Variants in OTUD7B observed in about 807,000 individuals in gnomAD.
OTUD7B encodes OTU deubiquitinase 7B, also known as OTU domain-containing protein 7B.
A neutral mutation model predicts 82.2 loss-of-function variants in OTUD7B; 34 were observed. That is an observed-to-expected ratio of 0.41 (90% confidence interval 0.31 to 0.55). The LOEUF (loss-of-function observed/expected upper bound fraction) is 0.55, where lower values mean the gene tolerates loss of function less well. OTUD7B is among the 20% of genes least tolerant of loss of function. The pLI, the probability that OTUD7B is intolerant of heterozygous loss-of-function variation, is 0.20. For missense variants in OTUD7B, 944 were observed against 1,062.1 expected (o/e 0.89, Z 1.55); for synonymous variants, 398 against 402.7 (o/e 0.99, Z 0.14).
intron 1 of OTUD7B, among the ~76,000 whole-genome samples, chr1:150,004,288 G>A (rs150793961): frequency 0.011 from 1,695 of 152,156 alleles, 39 homozygotes; most frequent in African/African-American, 0.039. Flanking sequence ...GACCGGGCAC[G>A]GTGGCTCATG....
At chr1:150,032,647 A>C in the OTUD7B span, among the ~76,000 whole-genome samples, 1 of 50 alleles carries the variant, frequency 0.02, no homozygotes, top group African/African-American at 0.083. Context: ...GAAGAAAAGA[A>C]GAAAAGAAGA....
At chr1:149,991,661 C>T (rs1304342749) in intron 1 of OTUD7B, among the ~76,000 whole-genome samples, 1 of 152,136 alleles carries the variant, frequency 6.6e-6, no homozygotes, top group Non-Finnish European at 1.5e-5. Flanking sequence ...GATTAAGTGA[C>T]TTGTCCAAAT....
chr1:149,985,611 G>A (rs1553780607), intron 1 of OTUD7B, among the ~76,000 whole-genome samples: 1 of 152,000 alleles, frequency 6.6e-6, no homozygotes, highest in Non-Finnish European at 1.5e-5. Context: ...AGTCGGGTGT[G>A]GAGGTGCACT....
chr1:149,942,560 A>C lies in OTUD7B; in HGVS notation c.*1297T>G, dbSNP rs1647330702. 1 of 152,536 alleles carries C rather than the reference A, an allele frequency of 6.6e-6. No homozygotes were observed. Among genetic ancestry groups the C allele is most frequent in the Admixed American group, 6.5e-5 (1 of 15,286 alleles). The allele number at this position is 152,536 out of a possible 1,614,324, so 9.4% of individuals were successfully genotyped here. A position where few individuals can be genotyped will look rare whatever the true frequency, so the allele number is the denominator to read the frequency against. ...GGAGTCATCTGTGCTCTGTGGTTAT[A>C]GTTCACTAAAATATATTTCTCTAAC... is the stretch of plus-strand genomic sequence containing the variant. On this transcript the variant is annotated 3_prime_UTR_variant, in exon 12 of 12. Coordinates refer to ENST00000581312, the MANE Select transcript of OTUD7B (RefSeq NM_020205.4).
chr1:149,957,588 C>T (rs940754995), intron 7 of OTUD7B, among the ~76,000 whole-genome samples: 4 of 152,226 alleles, frequency 2.6e-5, no homozygotes, highest in African/African-American at 9.6e-5. Context: ...TTTAAGTCTG[C>T]AGAAGTTCCT....
At chr1:149,975,301 A>C (rs1356775078) in intron 2 of OTUD7B, among the ~76,000 whole-genome samples, 7 of 152,168 alleles carry the variant, frequency 4.6e-5, no homozygotes, top group African/African-American at 1.7e-4. Context: ...TCACAGCATG[A>C]GTGTATGTGT....
At chr1:150,007,081 T>A (rs1213926403) in intron 1 of OTUD7B, among the ~76,000 whole-genome samples, 1 of 152,206 alleles carries the variant, frequency 6.6e-6, no homozygotes, top group Non-Finnish European at 1.5e-5. Flanking sequence ...CCAACCCACA[T>A]TCTCTACAGT....
At chr1:149,973,071 C>T (rs1650040303) in intron 2 of OTUD7B, among the ~76,000 whole-genome samples, 2 of 152,170 alleles carry the variant, frequency 1.3e-5, no homozygotes, top group African/African-American at 4.8e-5. Flanking sequence ...TCTCTCAAAT[C>T]CATTTCTTAT....
At chr1:150,034,049 A>G in the OTUD7B span, among the ~76,000 whole-genome samples, 1 of 152,166 alleles carries the variant, frequency 6.6e-6, no homozygotes, top group Non-Finnish European at 1.5e-5. Context: ...ATTATAATGG[A>G]CAACACTGAG....
chr1:150,013,147 C>G (rs1290786834), upstream of OTUD7B, among the ~76,000 whole-genome samples: 7 of 152,232 alleles, frequency 4.6e-5, no homozygotes, highest in African/African-American at 9.6e-5. Context: ...AAGCACCAGA[C>G]AAAATCCTAC....
At position 149,942,545 on chromosome 1, in the gene OTUD7B, G is replaced by A. The variant is rs1553770688; in HGVS notation, c.*1312C>T. On this transcript the variant is annotated 3_prime_UTR_variant, in exon 12 of 12. Coordinates refer to ENST00000581312, the MANE Select transcript of OTUD7B (RefSeq NM_020205.4). ...CAGATCAGCTCATTGGGAGTCATCT[G>A]TGCTCTGTGGTTATAGTTCACTAAA... 1 of 152,474 alleles carries A rather than the reference G, an allele frequency of 6.6e-6. No homozygotes were observed. The highest frequency in any genetic ancestry group is 1.5e-5 in the Non-Finnish European group (1 of 68,038). The allele number at this position is 152,474 out of a possible 1,614,324, so 9.4% of individuals were successfully genotyped here. A position where few individuals can be genotyped will look rare whatever the true frequency, so the allele number is the denominator to read the frequency against.
the OTUD7B span, among the ~76,000 whole-genome samples, chr1:150,064,484 G>T: frequency 6.6e-6 from 1 of 151,728 alleles, no homozygotes; most frequent in Non-Finnish European, 1.5e-5. Flanking sequence ...CAATCCTACC[G>T]CACGCTTCTC....
chr1:150,025,305 C>A, the OTUD7B span, among the ~76,000 whole-genome samples: 1 of 151,858 alleles, frequency 6.6e-6, no homozygotes, highest in Non-Finnish European at 1.5e-5. Context: ...ATCCCAGCTA[C>A]TTGGGAGGCT....
chr1:149,948,571 C>T (rs1647938133), intron 10 of OTUD7B, among the ~76,000 whole-genome samples: 1 of 151,918 alleles, frequency 6.6e-6, no homozygotes, highest in Non-Finnish European at 1.5e-5. Context: ...GAGGTTTCAC[C>T]ATATTGGCCA....
chr1:150,064,333 C>CTTTCTCTTTCTTTCTTCT, the OTUD7B span, among the ~76,000 whole-genome samples: 3 of 152,040 alleles, frequency 2.0e-5, no homozygotes, highest in African/African-American at 7.2e-5. Flanking sequence ...TCCTTTCTTT[C>CTTTCTCTTTCTTTCTTCT]TTTCTCTTTC....
intron 1 of OTUD7B, among the ~76,000 whole-genome samples, chr1:150,002,877 C>A (rs587706722): frequency 2.0e-5 from 3 of 152,270 alleles, no homozygotes; most frequent in Non-Finnish European, 4.4e-5. Flanking sequence ...TCTCCATCTC[C>A]AATCCACCCT....
upstream of OTUD7B, among the ~76,000 whole-genome samples, chr1:150,012,979 G>A (rs12087578): frequency 9.9e-5 from 15 of 152,190 alleles, no homozygotes; most frequent in East Asian, 2.7e-3. Context: ...GTTTCTCTGC[G>A]TAGAAACTAG....
the OTUD7B span, among the ~76,000 whole-genome samples, chr1:150,031,023 C>T: frequency 6.6e-5 from 10 of 152,238 alleles, no homozygotes; most frequent in East Asian, 1.5e-3. Context: ...GATTCACCTG[C>T]CTTGGCCTCT....
At chr1:149,978,376 G>A (rs1212406261) in intron 1 of OTUD7B, among the ~76,000 whole-genome samples, 4 of 151,992 alleles carry the variant, frequency 2.6e-5, no homozygotes, top group East Asian at 1.9e-4. Flanking sequence ...GCATGATGGC[G>A]GGCACCTGTA....
Sources: allele counts gnomAD v4.1 joint callset (sites outside exome capture counted in the v4.1 genomes callset), GRCh38; gene constraint gnomAD v4.1.1; transcripts MANE v1.5; gene names NCBI Gene and HGNC (gene_info 2026-07-23, HGNC 2026-07-21).